CNBD1: variants seen among roughly 807,000 people sequenced by gnomAD.
CNBD1 encodes cyclic nucleotide binding domain containing 1.
Under a neutral mutation model 54.4 loss-of-function variants are expected in CNBD1, and 71 were observed. That is an observed-to-expected ratio of 1.30 (90% CI 1.08 to 1.59). The LOEUF (loss-of-function observed/expected upper bound fraction) is 1.59, where lower values mean the gene tolerates loss of function less well. CNBD1 is among the 40% of genes most tolerant of loss of function. CNBD1 has a pLI of 0.00. For synonymous variants in CNBD1, 182 were observed against 170.7 expected (o/e 1.07, Z -0.51); for missense variants, 659 against 518.0 (o/e 1.27, Z -2.64).
At chr8:87,165,066 C>A (rs1812934029) in intron 4 of CNBD1, among the ~76,000 whole-genome samples, 1 of 151,328 alleles carries the variant, frequency 6.6e-6, no homozygotes, top group Non-Finnish European at 1.5e-5. Context: ...CTGTTTATTT[C>A]CACATATTGT....
chr8:87,178,476 A>C (rs1297058574), intron 4 of CNBD1, among the ~76,000 whole-genome samples: 1 of 152,220 alleles, frequency 6.6e-6, no homozygotes, highest in East Asian at 1.9e-4. Flanking sequence ...AGGGATGGAA[A>C]GAAGGCCAAC....
At chr8:86,905,265 A>G in intron 3 of CNBD1, 71 bp downstream of exon 3, 4 of 852,974 alleles carry the variant, frequency 4.7e-6, no homozygotes, top group Non-Finnish European at 7.6e-6. Context: ...CACAAGTTGA[A>G]CTCAAAACTG....
intron 3 of CNBD1, among the ~76,000 whole-genome samples, chr8:86,936,564 C>T (rs1809551546): frequency 6.6e-6 from 1 of 151,938 alleles, no homozygotes; most frequent in Non-Finnish European, 1.5e-5. Context: ...CACTGTGAAA[C>T]CCCATCTCTA....
chr8:87,043,370 A>C (rs577822319), intron 4 of CNBD1, among the ~76,000 whole-genome samples: 1 of 152,308 alleles, frequency 6.6e-6, no homozygotes, highest in East Asian at 1.9e-4. Context: ...GAGATTAATG[A>C]CAATTATTCA....
chr8:87,018,453 C>G (rs991949924), intron 4 of CNBD1, among the ~76,000 whole-genome samples: 1 of 152,072 alleles, frequency 6.6e-6, no homozygotes, highest in Non-Finnish European at 1.5e-5. Context: ...TCAGCCTTAA[C>G]TTTTTTTAAG....
At chr8:87,188,036 C>T (rs982404969) in intron 4 of CNBD1, among the ~76,000 whole-genome samples, 1 of 152,110 alleles carries the variant, frequency 6.6e-6, no homozygotes, top group African/African-American at 2.4e-5. Flanking sequence ...TCTCTCTGCT[C>T]CAACCACACT....
chr8:86,995,615 C>T (rs545718684), intron 4 of CNBD1, among the ~76,000 whole-genome samples: 1 of 151,812 alleles, frequency 6.6e-6, no homozygotes, highest in East Asian at 1.9e-4. Context: ...AGCACAAGGA[C>T]ATTAAAGGGA....
chr8:87,324,400 C>G (rs977759667), intron 8 of CNBD1, among the ~76,000 whole-genome samples: 1 of 127,564 alleles, frequency 7.8e-6, no homozygotes, highest in African/African-American at 2.9e-5. Flanking sequence ...CCTTGTACCT[C>G]TGATAGAATT....
intron 6 of CNBD1, among the ~76,000 whole-genome samples, chr8:87,264,223 C>G (rs1047564441): frequency 1.4e-4 from 21 of 152,046 alleles, no homozygotes; most frequent in African/African-American, 4.8e-4. Context: ...GTTCAATTCC[C>G]ACCTATGAGT....
chr8:87,259,065 A>G (rs1328695814), intron 6 of CNBD1, among the ~76,000 whole-genome samples: 1 of 151,978 alleles, frequency 6.6e-6, no homozygotes, highest in African/African-American at 2.4e-5. Flanking sequence ...ATGTAAACCT[A>G]TTTTTTCAGT....
chr8:87,047,697 T>C (rs1312779749), intron 4 of CNBD1, among the ~76,000 whole-genome samples: 5 of 152,190 alleles, frequency 3.3e-5, no homozygotes, highest in African/African-American at 7.2e-5. Context: ...CCTGCAAGTA[T>C]GGTGTAGTTA....
intron 10 of CNBD1, among the ~76,000 whole-genome samples, chr8:87,358,113 G>T (rs1449174102): frequency 6.6e-6 from 1 of 152,116 alleles, no homozygotes; most frequent in Non-Finnish European, 1.5e-5. Flanking sequence ...CTGGTGCCAT[G>T]CTTGTACAAC....
intron 4 of CNBD1, among the ~76,000 whole-genome samples, chr8:87,138,276 G>T (rs929094995): frequency 6.6e-6 from 1 of 152,174 alleles, no homozygotes; most frequent in Non-Finnish European, 1.5e-5. Context: ...ACTGAGTGCA[G>T]TACAATTTGA....
chr8:86,934,155 C>T (rs952780348), intron 3 of CNBD1, among the ~76,000 whole-genome samples: 22 of 152,238 alleles, frequency 1.4e-4, no homozygotes, highest in African/African-American at 5.1e-4. Flanking sequence ...TGACATATAA[C>T]ATCTTTTCCT....
intron 4 of CNBD1, among the ~76,000 whole-genome samples, chr8:87,016,056 A>C (rs112774466): frequency 1.5e-4 from 23 of 151,836 alleles, no homozygotes; most frequent in African/African-American, 5.3e-4. Flanking sequence ...ATCACGTGGA[A>C]GTAATATTTC....
intron 2 of CNBD1, among the ~76,000 whole-genome samples, chr8:86,892,898 TAAGAAATA>T (rs946979654): frequency 4.6e-5 from 7 of 152,184 alleles, no homozygotes; most frequent in Admixed American, 4.6e-4. Flanking sequence ...ATTTTTGTCT[TAAGAAATA>T]AAGAAATGAA....
At chr8:87,135,267 G>A (rs1812205002) in intron 4 of CNBD1, among the ~76,000 whole-genome samples, 2 of 151,612 alleles carry the variant, frequency 1.3e-5, no homozygotes, top group Non-Finnish European at 1.5e-5. Context: ...ATATATATGA[G>A]ATATATAAAA....
At chr8:87,147,640 G>A (rs960759315) in intron 4 of CNBD1, among the ~76,000 whole-genome samples, 3 of 152,048 alleles carry the variant, frequency 2.0e-5, no homozygotes, top group Non-Finnish European at 2.9e-5. Flanking sequence ...TCTAAAACCT[G>A]CACATGAATA....
chr8:87,141,285 A>C (rs1314201997), intron 4 of CNBD1, among the ~76,000 whole-genome samples: 1 of 152,148 alleles, frequency 6.6e-6, no homozygotes, highest in Admixed American at 6.5e-5. Context: ...TGTAGAAATC[A>C]ATGCTGTTGT....
Sources: allele counts gnomAD v4.1 joint callset (sites outside exome capture counted in the v4.1 genomes callset), GRCh38; gene constraint gnomAD v4.1.1; transcripts MANE v1.5; gene names NCBI Gene and HGNC (gene_info 2026-07-23, HGNC 2026-07-21).